The following FGFR2 variants were observed in gnomAD, a reference collection of about 807,000 sequenced individuals.
FGFR2 encodes fibroblast growth factor receptor 2, also known as BEK fibroblast growth factor receptor.
Under a neutral mutation model 95.9 loss-of-function variants are expected in FGFR2, and 19 were observed. The observed-to-expected ratio is 0.20, with a 90% CI of 0.14 to 0.29. The LOEUF (loss-of-function observed/expected upper bound fraction) is 0.29. Among genes scored for constraint, FGFR2 ranks in the 10% least tolerant of loss-of-function variants. The probability of loss-of-function intolerance (pLI) is 1.00; values close to 1 mark genes in which losing one functional copy is unlikely to be tolerated. For missense variants in FGFR2, 707 were observed against 1,056.9 expected, an observed-to-expected ratio of 0.67 and a Z score of 4.59; for synonymous variants, 392 against 393.3, an observed-to-expected ratio of 1.00 and a Z score of 0.04.
At chr10:121,484,906 AG>A (rs1175943304) in intron 16 of FGFR2, among the ~76,000 whole-genome samples, 106 of 152,314 alleles carry the variant, frequency 7.0e-4, no homozygotes, top group African/African-American at 2.5e-3. Flanking sequence ...TGGTTCGAGA[AG>A]TTCTGGAAAC....
chr10:121,553,566 G>A (rs550674076), intron 4 of FGFR2, among the ~76,000 whole-genome samples: 8 of 152,320 alleles, frequency 5.3e-5, no homozygotes, highest in East Asian at 3.9e-4. Context: ...ACACAAAGAC[G>A]TTTACAAATC....
intron 6 of FGFR2, among the ~76,000 whole-genome samples, chr10:121,537,315 A>ATGCT (rs1272975123): frequency 1.3e-5 from 2 of 152,364 alleles, no homozygotes; most frequent in Middle Eastern, 3.4e-3. Context: ...TGGTTATATC[A>ATGCT]TGCTTTCTAA....
chr10:121,592,490 A>T (rs1166214237), intron 2 of FGFR2, among the ~76,000 whole-genome samples: 1 of 152,188 alleles, frequency 6.6e-6, no homozygotes, highest in Non-Finnish European at 1.5e-5. Flanking sequence ...AAAGTTCCCC[A>T]GTCTCACACG....
At position 121,517,747 on chromosome 10, in the gene FGFR2, C is replaced by T. The variant is rs1849890471; in HGVS notation, c.940-284G>A. ...CAGAGGTCCGTTCTCTTGGCCTGTG[C>T]TTTGGTTTGCATTTAGGGGTGGTTT... On this transcript the variant is annotated intron_variant, in intron 7 of 17. Coordinates refer to ENST00000358487, the MANE Select transcript of FGFR2 (RefSeq NM_000141.5). The surrounding 1 kb of genome is among the most constrained non-coding windows in gnomAD (Gnocchi z 4.7). Among the ~76,000 whole-genome samples, 2 of 152,064 alleles carry T rather than the reference C, an allele frequency of 1.3e-5. No homozygotes were observed.
chr10:121,546,885 A>T (rs897782177), intron 5 of FGFR2, among the ~76,000 whole-genome samples: 2 of 152,206 alleles, frequency 1.3e-5, no homozygotes. Flanking sequence ...TGCTTTCTGG[A>T]AAAATGTATC....
chr10:121,544,302 C>T (rs1181454183), intron 5 of FGFR2, among the ~76,000 whole-genome samples: 4 of 151,864 alleles, frequency 2.6e-5, no homozygotes, highest in Non-Finnish European at 4.4e-5. Context: ...AAAAATTAGC[C>T]GGGCATGGTG....
rs1564843210 is a variant in FGFR2, at chr10:121,479,839, A to G, written c.*18T>C. ...GTTCCCAGTGCTGTCCTGTTTGGGG[A>G]CAGGCAGACACAGTCATTCATGTTT... is the stretch of plus-strand genomic sequence containing the variant. On this transcript the variant is annotated 3_prime_UTR_variant, in exon 18 of 18. Coordinates refer to ENST00000358487, the MANE Select transcript of FGFR2 (RefSeq NM_000141.5). The G allele has an allele frequency of 1.2e-6, 2 of 1,614,048 alleles. No homozygotes were observed. Among genetic ancestry groups the G allele is most frequent in the Middle Eastern group, 1.6e-4 (1 of 6,062 alleles).
intron 5 of FGFR2, among the ~76,000 whole-genome samples, chr10:121,543,434 C>T (rs921410582): frequency 6.6e-6 from 1 of 152,116 alleles, no homozygotes; most frequent in Non-Finnish European, 1.5e-5. Context: ...CGCTTGAACC[C>T]GGGAGACAGA....
Position 121,492,345 on chromosome 10 carries a change from C to T in FGFR2, c.1863+4187G>A, listed in dbSNP as rs191871682. Among the ~76,000 whole-genome samples the T allele has an allele frequency of 3.9e-5, 6 of 152,172 alleles. No individual in the cohort carries two copies. In the East Asian group the frequency reaches 1.2e-3, roughly 29 times the overall value. Reference sequence around the variant, plus strand: ...TTACCTAATTGCATTGCTATATACACCATGGTGTTTTTTCACTTCTCTGTC... The same window carrying T: ...TTACCTAATTGCATTGCTATATACATCATGGTGTTTTTTCACTTCTCTGTC... On this transcript the variant is annotated intron_variant, in intron 13 of 17. Transcript: ENST00000358487.
chr10:121,566,807 T>A (rs1178406070), intron 2 of FGFR2, among the ~76,000 whole-genome samples: 1 of 151,750 alleles, frequency 6.6e-6, no homozygotes, highest in East Asian at 2.0e-4. Context: ...ACCGACCCCA[T>A]CCTGCTTGGC....
At chr10:121,548,517 G>A (rs1477227018) in intron 5 of FGFR2, among the ~76,000 whole-genome samples, 1 of 151,874 alleles carries the variant, frequency 6.6e-6, no homozygotes, top group Non-Finnish European at 1.5e-5. Flanking sequence ...TAAAAATCAG[G>A]CAGCATTTTC....
At chr10:121,512,136 C>G (rs897600859) in intron 9 of FGFR2, among the ~76,000 whole-genome samples, 7 of 152,162 alleles carry the variant, frequency 4.6e-5, no homozygotes, top group African/African-American at 1.4e-4. Context: ...TCATAAATGC[C>G]TAGAAACAAC....
intron 6 of FGFR2, among the ~76,000 whole-genome samples, chr10:121,533,306 C>T (rs1564941340): frequency 6.6e-6 from 1 of 152,188 alleles, no homozygotes; most frequent in Non-Finnish European, 1.5e-5. Flanking sequence ...AGGAGAATCA[C>T]TTGAACCTGG....
At chr10:121,504,699 G>A (rs1370852703) in intron 9 of FGFR2, among the ~76,000 whole-genome samples, 2 of 152,140 alleles carry the variant, frequency 1.3e-5, no homozygotes, top group Non-Finnish European at 2.9e-5. Flanking sequence ...CCACACAAGA[G>A]AACTCCTCTC....
chr10:121,567,072 GA>G (rs1857781346), intron 2 of FGFR2, among the ~76,000 whole-genome samples: 1 of 152,124 alleles, frequency 6.6e-6, no homozygotes, highest in South Asian at 2.1e-4. Context: ...CCAGCACTGA[GA>G]CAGCACCAAA....
At chr10:121,526,220 A>T (rs983214562) in intron 6 of FGFR2, 2 of 398,520 alleles carry the variant, frequency 5.0e-6, no homozygotes, top group Non-Finnish European at 8.8e-6. Context: ...ACATTCTGCG[A>T]TTTGGAGGAC....
At chr10:121,488,327 G>A (rs1173782353) in intron 13 of FGFR2, among the ~76,000 whole-genome samples, 1 of 152,032 alleles carries the variant, frequency 6.6e-6, no homozygotes, top group Admixed American at 6.6e-5. Flanking sequence ...GATCACTTGA[G>A]GTCAGTAGTT....
In FGFR2 at chr10:121,564,487, C is replaced by A. The variant is rs200275522; in HGVS notation, c.454+15G>T. On this transcript the variant is annotated intron_variant, in intron 4 of 17. Coordinates refer to ENST00000358487, the MANE Select transcript of FGFR2 (RefSeq NM_000141.5). ...CTCCTCTCTCGGGGACCATCGGAGC[C>A]GGGCAGTTACTTACTCTTGTTGTTA... 4 of 1,611,876 alleles carry A rather than the reference C, an allele frequency of 2.5e-6. No individual in the cohort carries two copies. Among genetic ancestry groups the A allele is most frequent in the Non-Finnish European group, 3.4e-6 (4 of 1,178,312 alleles).
In FGFR2 at chr10:121,515,162, A is replaced by T. The variant is rs746116691; in HGVS notation, c.1242T>A (p.Ala414=). ...TKKPDFSSQP[A]VHKLTKRIPL... Reference sequence around the variant, plus strand: ...GGATACGTTTGGTCAGCTTGTGCACAGCCGGCTGGCTGCTGAAGTCTGGCT... The same window carrying T: ...GGATACGTTTGGTCAGCTTGTGCACTGCCGGCTGGCTGCTGAAGTCTGGCT... Residue 414 remains alanine, a synonymous_variant, in exon 9 of 18, where the codon GCT becomes GCA. Coordinates refer to ENST00000358487, the MANE Select transcript of FGFR2 (RefSeq NM_000141.5). 6.2e-7 allele frequency: 1 copy of T among 1,614,084 alleles called. No individual in the cohort carries two copies. The highest frequency in any genetic ancestry group is 8.5e-7 in the Non-Finnish European group (1 of 1,180,040).
Sources: allele counts gnomAD v4.1 joint callset (sites outside exome capture counted in the v4.1 genomes callset), GRCh38; gene constraint gnomAD v4.1.1; non-coding constraint Gnocchi (gnomAD v3.1); transcripts MANE v1.5; gene names NCBI Gene and HGNC (gene_info 2026-07-23, HGNC 2026-07-21).